TMEM156: variants seen among roughly 807,000 people sequenced by gnomAD.
TMEM156 encodes the protein transmembrane protein 156.
A neutral mutation model predicts 30.5 loss-of-function variants in TMEM156; 28 were observed. The observed-to-expected ratio is 0.92, with a 90% CI of 0.68 to 1.26. The LOEUF is 1.26. Among genes scored for constraint, TMEM156 ranks in the 50% most tolerant of loss-of-function variants. The probability of loss-of-function intolerance (pLI) is 0.00; values close to 1 mark genes in which losing one functional copy is unlikely to be tolerated. For missense variants in TMEM156, 351 were observed against 340.6 expected, an observed-to-expected ratio of 1.03 and a Z score of -0.24; for synonymous variants, 137 against 119.9, an observed-to-expected ratio of 1.14 and a Z score of -0.93.
intron 5 of TMEM156, among the ~76,000 whole-genome samples, chr4:38,978,122 A>G (rs981099454): frequency 4.6e-5 from 7 of 152,174 alleles, no homozygotes; most frequent in African/African-American, 1.7e-4. Context: ...ATGAAAGCTC[A>G]TCTAAAACTT....
intron 1 of TMEM156, among the ~76,000 whole-genome samples, chr4:39,012,518 G>A (rs1253307492): frequency 6.6e-6 from 1 of 152,182 alleles, no homozygotes; most frequent in Non-Finnish European, 1.5e-5. Context: ...AGAAATAGGT[G>A]GAGAAGGTCG....
chr4:39,013,692 GC>G (rs1224868244), intron 1 of TMEM156, among the ~76,000 whole-genome samples: 1 of 151,882 alleles, frequency 6.6e-6, no homozygotes, highest in Non-Finnish European at 1.5e-5. Flanking sequence ...GAGCCATCGC[GC>G]CCGGCCAATT....
At chr4:39,009,787 C>T (rs1489109269) in intron 1 of TMEM156, among the ~76,000 whole-genome samples, 1 of 152,148 alleles carries the variant, frequency 6.6e-6, no homozygotes, top group Non-Finnish European at 1.5e-5. Flanking sequence ...TTACAGCCAA[C>T]ATTGTACTGA....
chr4:39,027,864 C>T (rs759273490), intron 1 of TMEM156, among the ~76,000 whole-genome samples: 1 of 148,312 alleles, frequency 6.7e-6, no homozygotes. Context: ...TCAAGTGATT[C>T]TCCTGTCTCA....
At chr4:39,017,697 C>T (rs750562552) in intron 1 of TMEM156, among the ~76,000 whole-genome samples, 37 of 152,118 alleles carry the variant, frequency 2.4e-4, no homozygotes, top group Non-Finnish European at 4.9e-4. Flanking sequence ...TTTGTTGGGG[C>T]ATATAAATTT....
chr4:38,986,807 C>CAAAAAAAAAA (rs59087758), intron 4 of TMEM156, among the ~76,000 whole-genome samples: 2 of 23,746 alleles, frequency 8.4e-5, no homozygotes, highest in Admixed American at 6.2e-4. Context: ...GACTCCATCT[C>CAAAAAAAAAA]AAAAAAAAAA....
rs1258706300 is a variant in TMEM156, at chr4:38,966,799, G to GATTT, written c.*877_*880dup. ...TTAAATTCGTTTTATTGGTATCTTT[G>GATTT]ATTTTTTTTTTTTTTTTTTTTTGAG... On this transcript the variant is annotated 3_prime_UTR_variant, in exon 7 of 7. Coordinates refer to ENST00000381938, the MANE Select transcript of TMEM156 (RefSeq NM_024943.3). The GATTT allele has an allele frequency of 1.5e-5, 2 of 135,080 alleles. No homozygotes were observed. Among genetic ancestry groups the GATTT allele is most frequent in the African/African-American group, 5.9e-5 (2 of 33,974 alleles). 8.4% of individuals were successfully genotyped at this position (135,080 alleles called of 1,614,324 possible).
At chr4:39,028,967 TG>T (rs1427893248) in intron 1 of TMEM156, among the ~76,000 whole-genome samples, 1 of 152,212 alleles carries the variant, frequency 6.6e-6, no homozygotes, top group African/African-American at 2.4e-5. Flanking sequence ...CTCCCTTTTT[TG>T]GTAAAGTTAG....
chr4:39,001,435 T>C (rs1713352191), intron 1 of TMEM156, among the ~76,000 whole-genome samples: 1 of 151,054 alleles, frequency 6.6e-6, no homozygotes, highest in Non-Finnish European at 1.5e-5. Flanking sequence ...CATGGTTAAT[T>C]CCACCTTTAT....
At chr4:38,990,157 T>A (rs1171399326) in intron 3 of TMEM156, among the ~76,000 whole-genome samples, 1 of 152,258 alleles carries the variant, frequency 6.6e-6, no homozygotes, top group Non-Finnish European at 1.5e-5. Flanking sequence ...AGACAGCTAG[T>A]ACTTATGCAC....
At chr4:39,008,937 C>A (rs1413625057) in intron 1 of TMEM156, among the ~76,000 whole-genome samples, 3 of 150,694 alleles carry the variant, frequency 2.0e-5, no homozygotes, top group Non-Finnish European at 4.4e-5. Flanking sequence ...ATTGAGGCCC[C>A]AAAAAACCAT....
intron 5 of TMEM156, among the ~76,000 whole-genome samples, chr4:38,977,051 G>A (rs913343199): frequency 4.6e-5 from 7 of 152,092 alleles, no homozygotes; most frequent in South Asian, 2.1e-4. Context: ...GACTGCAAGC[G>A]TGCACCACCA....
At chr4:39,021,535 TATATTTTGG>T (rs1431555034) in intron 1 of TMEM156, among the ~76,000 whole-genome samples, 1 of 152,250 alleles carries the variant, frequency 6.6e-6, no homozygotes, top group Non-Finnish European at 1.5e-5. Context: ...GAATTCCTTA[TATATTTTGG>T]ATATTAAACC....
intron 1 of TMEM156, among the ~76,000 whole-genome samples, chr4:39,000,972 T>G (rs1713301154): frequency 6.6e-6 from 1 of 152,168 alleles, no homozygotes. Context: ...GACAGAATTA[T>G]CTATGATTTA....
chr4:38,980,762 C>T (rs183012311), intron 5 of TMEM156: 76 of 188,388 alleles, frequency 4.0e-4, no homozygotes, highest in African/African-American at 1.6e-3. Flanking sequence ...TGGGAGCTAA[C>T]GAGACAACAT....
Position 38,990,830 on chromosome 4 carries a change from G to GTTTTTTTTTTTTTTTTTTTTTTT in TMEM156, c.620-1883_620-1861dup, listed in dbSNP as rs71304784. 4.4e-4 allele frequency among the ~76,000 whole-genome samples: 36 copies of GTTTTTTTTTTTTTTTTTTTTTTT among 81,226 alleles called. 3 individuals are homozygous for GTTTTTTTTTTTTTTTTTTTTTTT. The highest frequency in any genetic ancestry group is 8.8e-4 in the South Asian group (2 of 2,268). 53.3% of individuals were successfully genotyped at this position (81,226 alleles called of 152,430 possible). A position where few individuals can be genotyped will look rare whatever the true frequency, so the allele number is the denominator to read the frequency against. ...CTTTGTTTTTTTGGTTTGTTTTCTG[G>GTTTTTTTTTTTTTTTTTTTTTTT]TTTTTTTTTTTTTTTTTTTTTTTGA... On this transcript the variant is annotated intron_variant, in intron 3 of 6. Transcript: ENST00000381938.
chr4:39,015,840 G>A (rs1714444545), intron 1 of TMEM156, among the ~76,000 whole-genome samples: 1 of 152,034 alleles, frequency 6.6e-6, no homozygotes, highest in Admixed American at 6.6e-5. Context: ...GAGATCTGAT[G>A]GTTTTATAAG....
chr4:38,982,500 C>T (rs535296188), intron 5 of TMEM156, among the ~76,000 whole-genome samples: 1 of 152,324 alleles, frequency 6.6e-6, no homozygotes, highest in East Asian at 1.9e-4. Context: ...TACTCTGTCT[C>T]TTTATCTGTT....
intron 1 of TMEM156, among the ~76,000 whole-genome samples, chr4:39,012,622 A>G (rs571607492): frequency 3.6e-4 from 55 of 152,336 alleles, no homozygotes; most frequent in Non-Finnish European, 2.1e-4. Context: ...CCTGGCCAAC[A>G]TGGTGAAACC....
Sources: gnomAD v4.1 joint callset for allele counts (sites outside exome capture counted in the v4.1 genomes callset) on GRCh38, gnomAD v4.1.1 for gene constraint, MANE v1.5 for transcripts, NCBI Gene and HGNC (gene_info 2026-07-23, HGNC 2026-07-21) for gene names.